Variants in DCC observed in about 807,000 individuals in gnomAD.
DCC encodes the protein netrin receptor DCC.
DCC carries 58 observed loss-of-function variants against 172.5 expected under a neutral mutation model. The ratio of observed to expected loss-of-function variants is 0.34; its 90% confidence interval spans 0.27 to 0.42. The LOEUF (loss-of-function observed/expected upper bound fraction) is 0.42, where lower values mean the gene tolerates loss of function less well. Ranked by LOEUF, DCC falls within the 10% of genes least tolerant of loss-of-function variation. The probability of loss-of-function intolerance (pLI) is 1.00; values close to 1 mark genes in which losing one functional copy is unlikely to be tolerated. For missense variants in DCC, 1,740 were observed against 1,791.0 expected, an observed-to-expected ratio of 0.97 and a Z score of 0.51; for synonymous variants, 709 against 644.5, an observed-to-expected ratio of 1.10 and a Z score of -1.52.
At chr18:52,687,111 C>A (rs986301977) in intron 1 of DCC, among the ~76,000 whole-genome samples, 5 of 152,072 alleles carry the variant, frequency 3.3e-5, no homozygotes, top group African/African-American at 4.8e-5. Flanking sequence ...ATAACCTTTA[C>A]TCTTTAAATG....
intron 1 of DCC, among the ~76,000 whole-genome samples, chr18:52,500,201 G>T (rs574210141): frequency 3.3e-5 from 5 of 152,008 alleles, no homozygotes; most frequent in Non-Finnish European, 7.4e-5. Flanking sequence ...CCACAAACTG[G>T]TTGCACCCTA....
chr18:52,949,919 T>C (rs918652231), intron 5 of DCC, among the ~76,000 whole-genome samples: 1 of 152,162 alleles, frequency 6.6e-6, no homozygotes, highest in Non-Finnish European at 1.5e-5. Context: ...AAAAAGAATG[T>C]AGAAGGCTAA....
chr18:52,651,374 G>A (rs1189748218), intron 1 of DCC, among the ~76,000 whole-genome samples: 1 of 151,878 alleles, frequency 6.6e-6, no homozygotes, highest in Non-Finnish European at 1.5e-5. Flanking sequence ...GTAGAGATAG[G>A]GTCTCACCAT....
Position 53,000,585 on chromosome 18 carries a change from CTTTTTTTT to C in DCC, c.986-62702_986-62695del, listed in dbSNP as rs71175543. ...CATGTTTAGGATATCAGCTTACATTCTTTTTTTTTTTTTTTTTTTTTTTTTAACATCCA... is the reference window on the plus strand; with the variant it reads ...CATGTTTAGGATATCAGCTTACATTCTTTTTTTTTTTTTTTTTAACATCCA... On this transcript the variant is annotated intron_variant, in intron 5 of 28. Transcript: ENST00000442544. Among the ~76,000 whole-genome samples, 4 of 99,042 alleles carry C rather than the reference CTTTTTTTT, an allele frequency of 4.0e-5. No homozygotes were observed. The South Asian group carries it at 1.2e-3, about 30-fold the overall frequency. 65.0% of individuals were successfully genotyped at this position (99,042 alleles called of 152,430 possible). A position where few individuals can be genotyped will look rare whatever the true frequency, so the allele number is the denominator to read the frequency against.
At chr18:53,053,071 A>G (rs547557307) in intron 5 of DCC, among the ~76,000 whole-genome samples, 1 of 152,222 alleles carries the variant, frequency 6.6e-6, no homozygotes, top group East Asian at 1.9e-4. Context: ...TGAACCTGGG[A>G]GGTGGAGGTT....
At chr18:53,082,635 G>A (rs1348561239) in intron 7 of DCC, among the ~76,000 whole-genome samples, 1 of 152,070 alleles carries the variant, frequency 6.6e-6, no homozygotes, top group African/African-American at 2.4e-5. Context: ...TTGTAAATTA[G>A]TAACTATGGG....
intron 1 of DCC, among the ~76,000 whole-genome samples, chr18:52,605,904 G>C (rs879390236): frequency 6.6e-6 from 1 of 152,038 alleles, no homozygotes; most frequent in Non-Finnish European, 1.5e-5. Context: ...GTTGAGGTTA[G>C]GTGAGTAATT....
chr18:52,671,781 C>T (rs1158878646), intron 1 of DCC, among the ~76,000 whole-genome samples: 2 of 152,000 alleles, frequency 1.3e-5, no homozygotes, highest in East Asian at 3.9e-4. Flanking sequence ...AGTGATCTGC[C>T]TATCTCAGTC....
intron 2 of DCC, among the ~76,000 whole-genome samples, chr18:52,790,914 C>T (rs1353614349): frequency 6.6e-6 from 1 of 152,134 alleles, no homozygotes; most frequent in Non-Finnish European, 1.5e-5. Context: ...GAAAATTGGC[C>T]TAAGTCTCCC....
intron 1 of DCC, among the ~76,000 whole-genome samples, chr18:52,657,797 T>C (rs1360488614): frequency 6.6e-6 from 1 of 152,200 alleles, no homozygotes; most frequent in Non-Finnish European, 1.5e-5. Context: ...TTTTCCTTAG[T>C]GCTAGCATTT....
intron 2 of DCC, among the ~76,000 whole-genome samples, chr18:52,830,369 A>C (rs1011029177): frequency 6.6e-6 from 1 of 152,154 alleles, no homozygotes; most frequent in Admixed American, 6.5e-5. Flanking sequence ...GTGTGTTCCA[A>C]TGAAGCCAAA....
In DCC at chr18:52,342,418, C is replaced by T. The variant is rs371221792; in HGVS notation, c.91+1540C>T. ...CCCTCCTCCCCTGGCTCTTCTCTCC[C>T]GGAGCTTTGTCCTCAACAATTACTC... On this transcript the variant is annotated intron_variant, in intron 1 of 28. Coordinates refer to ENST00000442544, the MANE Select transcript of DCC (RefSeq NM_005215.4). Among the ~76,000 whole-genome samples, 124 of 121,868 alleles carry T rather than the reference C, an allele frequency of 1.0e-3. 3 individuals carry two copies. The South Asian group carries it at 0.031, about 31-fold the overall frequency. The allele number at this position is 121,868 out of a possible 152,430, so 80.0% of individuals were successfully genotyped here. A position where few individuals can be genotyped will look rare whatever the true frequency, so the allele number is the denominator to read the frequency against.
At chr18:53,004,924 G>T (rs2041621633) in intron 5 of DCC, among the ~76,000 whole-genome samples, 1 of 152,138 alleles carries the variant, frequency 6.6e-6, no homozygotes, top group African/African-American at 2.4e-5. Flanking sequence ...TTGACAGGTG[G>T]GGCCTAGTAA....
chr18:52,668,325 T>A (rs923429273), intron 1 of DCC, among the ~76,000 whole-genome samples: 2 of 152,160 alleles, frequency 1.3e-5, no homozygotes, highest in Non-Finnish European at 2.9e-5. Context: ...TTTGGGAGAA[T>A]AAGCTAATAA....
At chr18:52,859,876 T>G (rs2039112553) in intron 2 of DCC, among the ~76,000 whole-genome samples, 1 of 152,100 alleles carries the variant, frequency 6.6e-6, no homozygotes, top group African/African-American at 2.4e-5. Context: ...TTGGAGAAAT[T>G]TGGGTTAGAG....
At chr18:52,545,867 C>T (rs181561787) in intron 1 of DCC, among the ~76,000 whole-genome samples, 1 of 152,266 alleles carries the variant, frequency 6.6e-6, no homozygotes, top group Admixed American at 6.5e-5. Context: ...ACATCCCTAC[C>T]CATTTGGATA....
At chr18:53,448,239 A>C (rs1912755385) in intron 22 of DCC, among the ~76,000 whole-genome samples, 1 of 152,138 alleles carries the variant, frequency 6.6e-6, no homozygotes, top group African/African-American at 2.4e-5. Context: ...GAGACTGGGT[A>C]ATTTATAAAG....
intron 1 of DCC, among the ~76,000 whole-genome samples, chr18:52,545,978 C>T (rs914641491): frequency 2.0e-5 from 3 of 152,154 alleles, no homozygotes; most frequent in Non-Finnish European, 2.9e-5. Flanking sequence ...ACCACCAATG[C>T]CCGTCATTTA....
At chr18:52,959,142 G>T (rs1194923100) in intron 5 of DCC, among the ~76,000 whole-genome samples, 1 of 152,012 alleles carries the variant, frequency 6.6e-6, no homozygotes, top group East Asian at 1.9e-4. Flanking sequence ...ACATTTCAGG[G>T]GGGTGAGGGA....
Sources: gnomAD v4.1 joint callset for allele counts (sites outside exome capture counted in the v4.1 genomes callset) on GRCh38, gnomAD v4.1.1 for gene constraint, MANE v1.5 for transcripts, NCBI Gene and HGNC (gene_info 2026-07-23, HGNC 2026-07-21) for gene names.